LYST: variants seen among roughly 807,000 people sequenced by gnomAD.
LYST encodes the protein lysosomal-trafficking regulator.
LYST carries 192 observed loss-of-function variants against 413.6 expected under a neutral mutation model. The ratio of observed to expected loss-of-function variants is 0.46; its 90% CI spans 0.41 to 0.52. The LOEUF is 0.52. LYST is among the 20% of genes least tolerant of loss of function. The pLI is 0.00. For missense variants in LYST, 3,815 were observed against 4,499.9 expected, an observed-to-expected ratio of 0.85 and a Z score of 4.35; for synonymous variants, 1,525 against 1,567.3, an observed-to-expected ratio of 0.97 and a Z score of 0.64.
At chr1:235,877,499 C>T (rs1007859743) in intron 1 of LYST, among the ~76,000 whole-genome samples, 1 of 152,124 alleles carries the variant, frequency 6.6e-6, no homozygotes, top group Non-Finnish European at 1.5e-5. Context: ...CTCTGCCTCC[C>T]GGGTTCAAGC....
chr1:235,737,845 C>T (rs1664951158), intron 31 of LYST: 7 of 967,212 alleles, frequency 7.2e-6, no homozygotes, highest in Admixed American at 5.2e-5. Context: ...GGGAAGGAAA[C>T]AGCATTTATC....
chr1:235,845,587 G>C (rs998177884), intron 1 of LYST, among the ~76,000 whole-genome samples: 1 of 152,068 alleles, frequency 6.6e-6, no homozygotes, highest in African/African-American at 2.4e-5. Flanking sequence ...GGATAGCCTC[G>C]GGGAAGTTTT....
At chr1:235,822,280 C>A (rs1674829419) in intron 3 of LYST, among the ~76,000 whole-genome samples, 1 of 152,194 alleles carries the variant, frequency 6.6e-6, no homozygotes, top group South Asian at 2.1e-4. Flanking sequence ...ATTAGGGAAC[C>A]ACTCCCACAG....
At chr1:235,788,664 C>T in intron 13 of LYST, 37 bp downstream of exon 13, 2 of 1,593,100 alleles carry the variant, frequency 1.3e-6, no homozygotes, top group Non-Finnish European at 1.7e-6. Flanking sequence ...TATTTAAATA[C>T]ATTATCTATT....
chr1:235,783,676 A>G (rs892860272), intron 14 of LYST, among the ~76,000 whole-genome samples: 3 of 152,200 alleles, frequency 2.0e-5, no homozygotes, highest in Non-Finnish European at 4.4e-5. Context: ...TAAAAATAAA[A>G]TAGTGTTTTT....
intron 5 of LYST, among the ~76,000 whole-genome samples, chr1:235,808,224 G>A (rs556768346): frequency 1.3e-5 from 2 of 152,058 alleles, no homozygotes; most frequent in East Asian, 1.9e-4. Context: ...ATAAACAAAT[G>A]GTTAAAACAA....
intron 1 of LYST, among the ~76,000 whole-genome samples, chr1:235,841,787 G>C (rs185217865): frequency 3.3e-5 from 5 of 152,224 alleles, no homozygotes; most frequent in Admixed American, 3.3e-4. Context: ...CAGGTGGAAG[G>C]CCAGAAACTG....
At chr1:235,751,820 C>G (rs1666523767) in intron 27 of LYST, among the ~76,000 whole-genome samples, 185 bp downstream of exon 27, 1 of 152,128 alleles carries the variant, frequency 6.6e-6, no homozygotes, top group African/African-American at 2.4e-5. Context: ...GGGGGAATCA[C>G]TTTTTCTATT....
In LYST at chr1:235,691,697, C is replaced by CTTTTTTTTTTT. The variant is rs774558822; in HGVS notation, c.10701+1652_10701+1653insAAAAAAAAAAA. On this transcript the variant is annotated intron_variant, in intron 47 of 52. Coordinates refer to ENST00000389793, the MANE Select transcript of LYST (RefSeq NM_000081.4). ...GTAAGTACTATAAACATCAGATTCT[C>CTTTTTTTTTTT]TCTTTTTTTTTTTTTTGAGATGGAG... Among the ~76,000 whole-genome samples, 11 of 138,194 alleles carry CTTTTTTTTTTT rather than the reference C, an allele frequency of 8.0e-5. 2 individuals are homozygous for CTTTTTTTTTTT. The highest frequency in any genetic ancestry group is 1.1e-4 in the African/African-American group (4 of 34,840). 90.7% of individuals were successfully genotyped at this position (138,194 alleles called of 152,430 possible). A position where few individuals can be genotyped will look rare whatever the true frequency, so the allele number is the denominator to read the frequency against.
In LYST at chr1:235,773,599, C is replaced by T. The variant is rs12130859; in HGVS notation, c.5784+243G>A. Among the ~76,000 whole-genome samples the T allele has an allele frequency of 0.019, 2,871 of 152,068 alleles. 50 individuals are homozygous for T. Among genetic ancestry groups the T allele is most frequent in the Non-Finnish European group, 0.028 (1,926 of 67,984 alleles). ...ACTTATATGAGATCCTTAGATTAGT[C>T]AAAAGTAGAATGGTGGTTTCCAGGG... On this transcript the variant is annotated intron_variant, in intron 19 of 52. Coordinates refer to ENST00000389793, the MANE Select transcript of LYST (RefSeq NM_000081.4).
At chr1:235,789,317 T>C (rs1236193395) in intron 12 of LYST, among the ~76,000 whole-genome samples, 2 of 152,216 alleles carry the variant, frequency 1.3e-5, no homozygotes, top group Non-Finnish European at 2.9e-5. Flanking sequence ...AGTGTTTGAA[T>C]ATATTCATAA....
chr1:235,759,295 A>C lies in LYST; in HGVS notation c.6558T>G (p.Ser2186=). The C allele has an allele frequency of 1.9e-6, 3 of 1,614,176 alleles. No homozygotes were observed. The highest frequency in any genetic ancestry group is 2.5e-6 in the Non-Finnish European group (3 of 1,180,006). The change falls in exon 23 of 53, where the codon TCT becomes TCG. Residue 2186 remains serine (S), a synonymous_variant. Coordinates refer to ENST00000389793, the MANE Select transcript of LYST (RefSeq NM_000081.4). The part of the protein sequence containing the change: ...EMEAVLSAQV[S]VSDVPKGVLG... ...GCACTCCCTTTGGGACATCACTGAC[A>C]GAGACCTGGGCTGAGAGGACAGCTT...
intron 31 of LYST, 90 bp downstream of exon 31, chr1:235,741,332 G>A: frequency 9.0e-7 from 1 of 1,115,934 alleles, no homozygotes; most frequent in Non-Finnish European, 1.4e-6. Flanking sequence ...AATTAGGCAT[G>A]AACATTCAGT....
In LYST at chr1:235,770,039, G is replaced by T. The variant is rs536828469; in HGVS notation, c.5922+121C>A. ...ATTTTTTGAAAGAAGAGAATCTGGA[G>T]AGAAGATGGAAAAAAAAAAGAAAAA... On this transcript the variant is annotated intron_variant, in intron 20 of 52. Coordinates refer to ENST00000389793, the MANE Select transcript of LYST (RefSeq NM_000081.4). 4.8e-6 allele frequency: 4 copies of T among 839,766 alleles called. No individual in the cohort carries two copies. In the African/African-American group the frequency reaches 7.1e-5, roughly 15 times the overall value. 52.0% of individuals were successfully genotyped at this position (839,766 alleles called of 1,614,324 possible). A position where few individuals can be genotyped will look rare whatever the true frequency, so the allele number is the denominator to read the frequency against.
At chr1:235,668,564 C>T (rs1006232846) in intron 50 of LYST, among the ~76,000 whole-genome samples, 2 of 152,192 alleles carry the variant, frequency 1.3e-5, no homozygotes, top group South Asian at 2.1e-4. Context: ...TTGGTAATTG[C>T]AGAAAAAGTA....
intron 1 of LYST, among the ~76,000 whole-genome samples, chr1:235,857,742 TACACACACACACACACACACAC>T (rs56208034): frequency 2.3e-5 from 3 of 129,346 alleles, no homozygotes; most frequent in African/African-American, 3.1e-5. Context: ...CATATGTAAA[TACACACACACACACACACACAC>T]ACACACACAC....
At chr1:235,733,286 G>A (rs1664536165) in intron 34 of LYST, among the ~76,000 whole-genome samples, 1 of 151,408 alleles carries the variant, frequency 6.6e-6, no homozygotes, top group Non-Finnish European at 1.5e-5. Flanking sequence ...TTACTATCTA[G>A]ATGAGCTACT....
chr1:235,784,382 T>C (rs1373484801), intron 14 of LYST, among the ~76,000 whole-genome samples: 1 of 152,232 alleles, frequency 6.6e-6, no homozygotes, highest in Non-Finnish European at 1.5e-5. Flanking sequence ...CAAGTGACCA[T>C]GCTTACTAAT....
chr1:235,848,803 T>C (rs1438865033), intron 1 of LYST, among the ~76,000 whole-genome samples: 2 of 151,468 alleles, frequency 1.3e-5, no homozygotes, highest in Admixed American at 6.6e-5. Context: ...CCTGGAAAAA[T>C]ACAACCCTCC....
Sources: gnomAD v4.1 joint callset for allele counts (sites outside exome capture counted in the v4.1 genomes callset) on GRCh38, gnomAD v4.1.1 for gene constraint, MANE v1.5 for transcripts, NCBI Gene and HGNC (gene_info 2026-07-23, HGNC 2026-07-21) for gene names.